DCHS1: variants seen among roughly 807,000 people sequenced by gnomAD.
DCHS1 encodes dachsous cadherin-related 1, also known as protocadherin-16.
Under a neutral mutation model 213.9 loss-of-function variants are expected in DCHS1, and 78 were observed. The observed-to-expected ratio is 0.36, with a 90% CI of 0.30 to 0.44. DCHS1 has a LOEUF of 0.44. Among genes scored for constraint, DCHS1 ranks in the 20% least tolerant of loss-of-function variants. The probability of loss-of-function intolerance (pLI) is 1.00; values close to 1 mark genes in which losing one functional copy is unlikely to be tolerated. For missense variants in DCHS1, 3,946 were observed against 4,395.9 expected (o/e 0.90, Z 2.89); for synonymous variants, 1,828 against 1,873.7 (o/e 0.98, Z 0.63).
In DCHS1 at chr11:6,632,019, C is replaced by T; in HGVS notation, c.3481+12G>A. On this transcript the variant is annotated intron_variant, in intron 6 of 20. Coordinates refer to ENST00000299441, the MANE Select transcript of DCHS1 (RefSeq NM_003737.4). The surrounding 1 kb of genome is among the most constrained non-coding windows in gnomAD (Gnocchi z 5.9). ...GGCTATGCGGTCTCAGGATTTGGGT[C>T]TCTGTGCTCACCAGTCTGGGGGTGG... 1 of 1,500,368 alleles carries T rather than the reference C, an allele frequency of 6.7e-7. No individual in the cohort carries two copies. The highest frequency in any genetic ancestry group is 2.3e-5 in the East Asian group (1 of 43,796). 92.9% of individuals were successfully genotyped at this position (1,500,368 alleles called of 1,614,324 possible).
In DCHS1 at chr11:6,641,177, G is replaced by A. The variant is rs777266098; in HGVS notation, c.437C>T (p.Ala146Val). 3 of 1,613,630 alleles carry A rather than the reference G, an allele frequency of 1.9e-6. No individual in the cohort carries two copies. Among genetic ancestry groups the A allele is most frequent in the South Asian group, 2.2e-5 (2 of 91,080 alleles). The change falls in exon 2 of 21, where the codon GCT becomes GTT. Residue 146 changes from alanine to valine, a missense_variant. Around this residue, in one of 3 missense-constraint regions of DCHS1, gnomAD observed 3,384 missense variants for 3,780.1 expected, o/e 0.90. Coordinates refer to ENST00000299441, the MANE Select transcript of DCHS1 (RefSeq NM_003737.4). The surrounding 1 kb of genome is among the most constrained non-coding windows in gnomAD (Gnocchi z 7.1). ...CTCAGGTACCTGCAGGGCAGCCCGAGCCTGTGGGAAGGCTGGAGCATGGTC... is the reference window on the plus strand; with the variant it reads ...CTCAGGTACCTGCAGGGCAGCCCGAACCTGTGGGAAGGCTGGAGCATGGTC... The part of the protein sequence containing the change: ...INDHAPAFPQ[A>V]RAALQVPEHT...
chr11:6,650,530 G>C (rs12804718), intron 1 of DCHS1, among the ~76,000 whole-genome samples: 4,789 of 152,308 alleles, frequency 0.031, 126 homozygotes, highest in Non-Finnish European at 0.049. Flanking sequence ...TCTTGCCTCT[G>C]TTACCACTGA....
chr11:6,628,920 G>A lies in DCHS1; in HGVS notation c.5162-90C>T, dbSNP rs149443427. ...CAGTGTTCATACATGTTCACTAGGT[G>A]CACACAAACCAGAAAATGTCCATCT... is the stretch of plus-strand genomic sequence containing the variant. On this transcript the variant is annotated intron_variant, in intron 12 of 20. Transcript: ENST00000299441. This position sits in a 1 kb window ranked among gnomAD's most constrained non-coding sequence, Gnocchi z 4.3. 304 of 1,371,894 alleles carry A rather than the reference G, an allele frequency of 2.2e-4. No individual in the cohort carries two copies. In the African/African-American group the frequency reaches 2.4e-3, roughly 11 times the overall value. 85.0% of individuals were successfully genotyped at this position (1,371,894 alleles called of 1,614,324 possible).
intron 2 of DCHS1, 28 bp from the exon 3 acceptor site, chr11:6,634,334 C>A (rs770121114): frequency 7.2e-6 from 11 of 1,537,442 alleles, no homozygotes; most frequent in Non-Finnish European, 9.6e-6. Context: ...TGAGTGGTGT[C>A]CCCTCTTCTT....
Position 6,632,740 on chromosome 11 carries a change from A to T in DCHS1, c.2772T>A (p.Gly924=). Residue 924 remains glycine (G), a synonymous_variant, in exon 6 of 21, where the codon GGT becomes GGA. Coordinates refer to ENST00000299441, the MANE Select transcript of DCHS1 (RefSeq NM_003737.4). The surrounding 1 kb of genome is among the most constrained non-coding windows in gnomAD (Gnocchi z 5.9). ...YTLRALDPDS[G]VNSRVTFTLL... ...GGGTAAAGGTGACTCGACTGTTAACACCTGAGTCGGGGTCAAGAGCCCGCA... is the reference window on the plus strand; with the variant it reads ...GGGTAAAGGTGACTCGACTGTTAACTCCTGAGTCGGGGTCAAGAGCCCGCA... The T allele has an allele frequency of 6.2e-7, 1 of 1,610,452 alleles. No homozygotes were observed. The highest frequency in any genetic ancestry group is 8.5e-7 in the Non-Finnish European group (1 of 1,178,366).
Position 6,621,790 on chromosome 11 carries a change from G to A in DCHS1, c.9886C>T (p.Leu3296=), listed in dbSNP as rs1343212478. ...SGLEPPDDTE[L]HI is the part of the protein sequence containing the mutation. ...AGCCTGGGCCACAGCTAGATGTGCA[G>A]CTCCGTGTCATCAGGTGGCTCCAGG... is the stretch of plus-strand genomic sequence containing the variant. Residue 3296 remains leucine, a synonymous_variant, in exon 21 of 21, where the codon CTG becomes TTG. Coordinates refer to ENST00000299441, the MANE Select transcript of DCHS1 (RefSeq NM_003737.4). 6.3e-7 allele frequency: 1 copy of A among 1,587,182 alleles called. No individual in the cohort carries two copies. Among genetic ancestry groups the A allele is most frequent in the South Asian group, 1.1e-5 (1 of 87,068 alleles).
chr11:6,634,034 C>T lies in DCHS1; in HGVS notation c.1987-14G>A, dbSNP rs1241005449. ...CTTGAGGCCTCCCTGGTGGGACATG[C>T]AGCCATAGGTCAGGTGGGCCTCATC... is the stretch of plus-strand genomic sequence containing the variant. On this transcript the variant is annotated splice_polypyrimidine_tract_variant and intron_variant, in intron 3 of 20. Coordinates refer to ENST00000299441, the MANE Select transcript of DCHS1 (RefSeq NM_003737.4). The T allele has an allele frequency of 1.2e-6, 2 of 1,612,056 alleles. No homozygotes were observed. Among genetic ancestry groups the T allele is most frequent in the Admixed American group, 1.7e-5 (1 of 59,926 alleles).
At position 6,627,700 on chromosome 11, in the gene DCHS1, A is replaced by G; in HGVS notation, c.5372-33T>C. The G allele has an allele frequency of 1.3e-6, 2 of 1,590,130 alleles. No individual in the cohort carries two copies. Among genetic ancestry groups the G allele is most frequent in the South Asian group, 1.1e-5 (1 of 89,342 alleles). ...GAAGGGCATGCACATATAAATATAC[A>G]TGTGTCGTGGGGATGGGGGTGATTT... On this transcript the variant is annotated intron_variant, in intron 13 of 20. Transcript: ENST00000299441. The surrounding 1 kb of genome is among the most constrained non-coding windows in gnomAD (Gnocchi z 5.4).
At chr11:6,651,477 G>T (rs1201519795) in intron 1 of DCHS1, among the ~76,000 whole-genome samples, 1 of 152,200 alleles carries the variant, frequency 6.6e-6, no homozygotes, top group Non-Finnish European at 1.5e-5. Context: ...AAAAAGAAAA[G>T]ATTTTGTTCA....
At position 6,631,150 on chromosome 11, in the gene DCHS1, G is replaced by A. The variant is rs1187559443; in HGVS notation, c.3833C>T (p.Pro1278Leu). 1 of 1,612,780 alleles carries A rather than the reference G, an allele frequency of 6.2e-7. No individual in the cohort carries two copies. Among genetic ancestry groups the A allele is most frequent in the East Asian group, 2.2e-5 (1 of 44,834 alleles). ...PHSGELLTAA[P>L]LIRAERPHYV... ...GTGGGGCCGCTCTGCTCGGATCAGG[G>A]GAGCTGCAGTGAGCAGCTCCCCTGA... Residue 1278 changes from proline (P) to leucine (L), a missense_variant, in exon 9 of 21, where the codon CCC (proline) becomes CTC (leucine). Physicochemically the swap from Pro to Leu is moderately conservative, Grantham distance 98 (BLOSUM62 -3). This residue lies in a region of DCHS1 where 3,384 missense variants were observed against 3,780.1 expected (regional missense o/e 0.90). Coordinates refer to ENST00000299441, the MANE Select transcript of DCHS1 (RefSeq NM_003737.4).
chr11:6,648,010 G>C (rs1298290455), intron 1 of DCHS1, among the ~76,000 whole-genome samples: 1 of 152,160 alleles, frequency 6.6e-6, no homozygotes, highest in Non-Finnish European at 1.5e-5. Context: ...TCTAGACTTC[G>C]GCCTGCCTAC....
rs562245633 is a variant in DCHS1, at chr11:6,640,598, G to A, written c.1016C>T (p.Ala339Val). 3 of 1,608,754 alleles carry A rather than the reference G, an allele frequency of 1.9e-6. No individual in the cohort carries two copies. Among genetic ancestry groups the A allele is most frequent in the South Asian group, 1.1e-5 (1 of 91,088 alleles). ...AAAGGCCGAGCCCAGCTCAGGGTGA[G>A]CCCCACCATCTCGTGCTTGCACCAC... ...ELVVQARDGG[A>V]HPELGSAFVT... Residue 339 changes from alanine (A) to valine (V), a missense_variant, in exon 2 of 21, where the codon GCT becomes GTT. By Grantham distance (64) the Ala-to-Val change is moderately conservative. Transcript: ENST00000299441. The surrounding 1 kb of genome is among the most constrained non-coding windows in gnomAD (Gnocchi z 6.5).
In DCHS1 at chr11:6,626,482, C is replaced by A. The variant is rs1855806325; in HGVS notation, c.6364+70G>T. ...AGGACAGCCCTTCACCCATCAAAGG[C>A]TCCTCTGATGCAAAGAACCTGCTTC... On this transcript the variant is annotated intron_variant, in intron 15 of 20. Transcript: ENST00000299441. The surrounding 1 kb of genome is among the most constrained non-coding windows in gnomAD (Gnocchi z 5.2). The A allele has an allele frequency of 7.5e-6, 12 of 1,601,558 alleles. No homozygotes were observed. Among genetic ancestry groups the A allele is most frequent in the Non-Finnish European group, 1.0e-5 (12 of 1,170,348 alleles).
In DCHS1 at chr11:6,641,609, T is replaced by C. The variant is rs1413921851; in HGVS notation, c.5A>G (p.Gln2Arg). 1.9e-5 allele frequency: 30 copies of C among 1,545,404 alleles called. No individual in the cohort carries two copies. Among genetic ancestry groups the C allele is most frequent in the Non-Finnish European group, 2.2e-5 (25 of 1,143,492 alleles). M[Q>R]KELGIVPSCP... Reference sequence around the variant, plus strand: ...GGAAGGCACAATGCCCAGCTCCTTCTGCATGACAAGGGTAGTCCAGCTGTG... The same window carrying C: ...GGAAGGCACAATGCCCAGCTCCTTCCGCATGACAAGGGTAGTCCAGCTGTG... Residue 2 changes from glutamine to arginine, a missense_variant, in exon 2 of 21, where the codon CAG becomes CGG. Around this residue, in one of 3 missense-constraint regions of DCHS1, gnomAD observed 3,384 missense variants for 3,780.1 expected, o/e 0.90. Transcript: ENST00000299441. This position sits in a 1 kb window ranked among gnomAD's most constrained non-coding sequence, Gnocchi z 7.1.
chr11:6,629,710 G>A lies in DCHS1; in HGVS notation c.4997C>T (p.Thr1666Ile). ...GGTTGCTCGCAGGGTGAGCAGAGAT[G>A]TGCCAGGAGGGTTGTTCTCACGCAA... ...VLLRENNPPG[T>I]SLLTLRATDP... Residue 1666 changes from threonine (T) to isoleucine (I), a missense_variant, in exon 11 of 21, where the codon ACA (threonine) becomes ATA (isoleucine). Physicochemically the swap from Thr to Ile is moderately conservative, Grantham distance 89. This residue lies in a region of DCHS1 where 3,384 missense variants were observed against 3,780.1 expected (regional missense o/e 0.90). Coordinates refer to ENST00000299441, the MANE Select transcript of DCHS1 (RefSeq NM_003737.4). The A allele has an allele frequency of 6.2e-7, 1 of 1,613,826 alleles. No homozygotes were observed. Among genetic ancestry groups the A allele is most frequent in the Non-Finnish European group, 8.5e-7 (1 of 1,179,838 alleles).
Position 6,624,338 on chromosome 11 carries a change from T to C in DCHS1, c.7338A>G (p.Gly2446=). 1 of 1,581,366 alleles carries C rather than the reference T, an allele frequency of 6.3e-7. No homozygotes were observed. The highest frequency in any genetic ancestry group is 1.1e-5 in the South Asian group (1 of 87,078). Residue 2446 remains glycine, a synonymous_variant, in exon 21 of 21, where the codon GGA becomes GGG. Transcript: ENST00000299441. ...GTGCTTCCAGCACCACATCCACTGC[T>C]CCTGACCCGTCATGGCCCAAGGCCA... The part of the protein sequence containing the change: ...GTVALGHDGS[G]AVDVVLEARD...
chr11:6,637,714 C>A (rs1333092942), intron 2 of DCHS1, among the ~76,000 whole-genome samples: 2 of 152,036 alleles, frequency 1.3e-5, no homozygotes, highest in Non-Finnish European at 1.5e-5. Context: ...AGCACTCATA[C>A]TGCCTATCTG....
intron 1 of DCHS1, among the ~76,000 whole-genome samples, chr11:6,654,546 G>A (rs967801148): frequency 6.6e-6 from 1 of 152,100 alleles, no homozygotes; most frequent in African/African-American, 2.4e-5. Context: ...TCTCCTGTGG[G>A]TGTGTGTTGT....
chr11:6,640,193 C>A lies in DCHS1; in HGVS notation c.1421G>T (p.Arg474Leu). ...DVNDNAPAFD[R>L]QLYRPEPLPE... Reference sequence around the variant, plus strand: ...CAGGGGCTCAGGTCGGTAGAGCTGGCGGTCAAAGGCAGGTGCATTGTCGTT... The same window carrying A: ...CAGGGGCTCAGGTCGGTAGAGCTGGAGGTCAAAGGCAGGTGCATTGTCGTT... Residue 474 changes from arginine to leucine, a missense_variant, in exon 2 of 21, where the codon CGC becomes CTC. By Grantham distance (102) the Arg-to-Leu change is moderately radical. This residue lies in a region of DCHS1 where 3,384 missense variants were observed against 3,780.1 expected (regional missense o/e 0.90). Transcript: ENST00000299441. The surrounding 1 kb of genome is among the most constrained non-coding windows in gnomAD (Gnocchi z 6.5). 1 of 1,613,536 alleles carries A rather than the reference C, an allele frequency of 6.2e-7. No individual in the cohort carries two copies. Among genetic ancestry groups the A allele is most frequent in the East Asian group, 2.2e-5 (1 of 44,854 alleles).
Sources: gnomAD v4.1 joint callset for allele counts (sites outside exome capture counted in the v4.1 genomes callset) on GRCh38, gnomAD v4.1.1 for gene constraint, gnomAD v4.1.1 regional missense constraint, Gnocchi (gnomAD v3.1) non-coding constraint, MANE v1.5 for transcripts, NCBI Gene and HGNC (gene_info 2026-07-23, HGNC 2026-07-21) for gene names.